SPATA13: variants seen among roughly 807,000 people sequenced by gnomAD.
SPATA13 encodes the protein spermatogenesis-associated protein 13.
A neutral mutation model predicts 104.0 loss-of-function variants in SPATA13; 50 were observed. The observed-to-expected ratio is 0.48, with a 90% CI of 0.38 to 0.61. The LOEUF (loss-of-function observed/expected upper bound fraction) is 0.61. Ranked by LOEUF, SPATA13 falls within the 20% of genes least tolerant of loss-of-function variation. The pLI, the probability that SPATA13 is intolerant of heterozygous loss-of-function variation, is 0.00. For missense variants in SPATA13, 1,524 were observed against 1,690.6 expected (o/e 0.90, Z 1.73); for synonymous variants, 606 against 667.5 (o/e 0.91, Z 1.42).
intron 2 of SPATA13, among the ~76,000 whole-genome samples, chr13:24,243,171 G>A (rs556306602): frequency 6.6e-6 from 1 of 152,112 alleles, no homozygotes; most frequent in Non-Finnish European, 1.5e-5. Context: ...ATATATTCAC[G>A]TCACTCATCC....
intron 2 of SPATA13, among the ~76,000 whole-genome samples, chr13:24,016,757 G>A (rs984101324): frequency 2.0e-5 from 3 of 152,238 alleles, no homozygotes; most frequent in Admixed American, 6.5e-5. Flanking sequence ...ACTCTGGGAC[G>A]TGCATTGTGC....
chr13:24,043,774 G>A lies in SPATA13; in HGVS notation c.-112+26073G>A, dbSNP rs545705978. On this transcript the variant is annotated intron_variant, in intron 3 of 14. Transcript: ENST00000424834. ...GTCACATTCTGCAGCATGTTTTCCC[G>A]ATTCTGTGCTGATTCATCACACACT... is the stretch of plus-strand genomic sequence containing the variant. Among the ~76,000 whole-genome samples the A allele has an allele frequency of 1.2e-3, 184 of 152,230 alleles. 4 individuals are homozygous for A. The highest frequency in any genetic ancestry group is 2.0e-3 in the Non-Finnish European group (139 of 68,006).
In SPATA13 at chr13:24,303,041, G is replaced by A. The variant is rs9578699; in HGVS notation, c.*268G>A. 0.36 allele frequency: 185,203 copies of A among 507,894 alleles called. 35,292 individuals are homozygous for A. The highest frequency in any genetic ancestry group is 0.56 in the East Asian group (15,332 of 27,230). The allele number at this position is 507,894 out of a possible 1,614,324, so 31.5% of individuals were successfully genotyped here. On this transcript the variant is annotated 3_prime_UTR_variant, in exon 13 of 13. Transcript: ENST00000382108. Reference sequence around the variant, plus strand: ...ATGAGATGGCCCAGATGTGGGACCCGGTACCATGCTCTAAAGCGAGTGATT... The same window carrying A: ...ATGAGATGGCCCAGATGTGGGACCCAGTACCATGCTCTAAAGCGAGTGATT...
intron 2 of SPATA13, among the ~76,000 whole-genome samples, chr13:24,002,693 A>G (rs1876034734): frequency 6.6e-6 from 1 of 152,162 alleles, no homozygotes; most frequent in African/African-American, 2.4e-5. Context: ...TCCTTGAGGA[A>G]GGAAGAGCAT....
intron 3 of SPATA13, among the ~76,000 whole-genome samples, chr13:24,117,964 A>G (rs1428930356): frequency 6.6e-6 from 1 of 152,248 alleles, no homozygotes; most frequent in East Asian, 1.9e-4. Flanking sequence ...TTTTCAAAAA[A>G]AATGGCATTA....
At chr13:24,239,846 G>GT (rs1475743679) in intron 2 of SPATA13, among the ~76,000 whole-genome samples, 1 of 151,560 alleles carries the variant, frequency 6.6e-6, no homozygotes, top group East Asian at 1.9e-4. Context: ...ATAAAATCAT[G>GT]TTTTTTCACT....
Position 24,251,857 on chromosome 13 carries a change from C to A in SPATA13, c.2159C>A (p.Ser720Tyr), listed in dbSNP as rs768481237. The change falls in exon 4 of 13, where the codon TCC becomes TAC. Residue 720 changes from serine to tyrosine, a missense_variant. Ser to Tyr is a moderately radical substitution (Grantham distance 144). Around this residue, in one of 2 missense-constraint regions of SPATA13, gnomAD observed 1,089 missense variants for 1,135.9 expected, o/e 0.96. Coordinates refer to ENST00000382108, the MANE Select transcript of SPATA13 (RefSeq NM_001166271.3). ...GGACGCCGGCGGCAGATGAGAGCATCCAACGGTGAGTCTCAGAGTCCCTTT... is the reference window on the plus strand; with the variant it reads ...GGACGCCGGCGGCAGATGAGAGCATACAACGGTGAGTCTCAGAGTCCCTTT... ...RVGRRRQMRA[S>Y]NVSSDGGTEP... 1.9e-6 allele frequency: 3 copies of A among 1,613,394 alleles called. No individual in the cohort carries two copies. The highest frequency in any genetic ancestry group is 4.5e-5 in the East Asian group (2 of 44,858).
Position 24,269,631 on chromosome 13 carries a change from C to T in SPATA13, c.2165-14504C>T, listed in dbSNP as rs138092454. 1.5e-3 allele frequency among the ~76,000 whole-genome samples: 226 copies of T among 151,484 alleles called. 2 individuals carry two copies. The highest frequency in any genetic ancestry group is 4.9e-3 in the African/African-American group (203 of 41,164). ...TCACCGAGGCTGGAGTACAGTGGTA[C>T]GATCATAGCTTACTGCAGCCTCCAC... On this transcript the variant is annotated intron_variant, in intron 4 of 12. Coordinates refer to ENST00000382108, the MANE Select transcript of SPATA13 (RefSeq NM_001166271.3).
chr13:24,185,629 G>A (rs1280078729), intron 1 of SPATA13, among the ~76,000 whole-genome samples: 3 of 151,962 alleles, frequency 2.0e-5, no homozygotes, highest in Non-Finnish European at 4.4e-5. Flanking sequence ...TGGTGTTAAC[G>A]TAATAGGCAT....
At position 24,169,958 on chromosome 13, in the gene SPATA13, C is replaced by A. The variant is rs1882902049; in HGVS notation, c.-112+9026C>A. On this transcript the variant is annotated intron_variant, in intron 1 of 12. Transcript: ENST00000382108. The stretch of plus-strand genomic sequence containing the variant: ...TCTTGGAGGAGAAAGCAAGAACTCT[C>A]CCTGCTTTTTCTCATCCTTATTTTA... Among the ~76,000 whole-genome samples, 4 of 152,208 alleles carry A rather than the reference C, an allele frequency of 2.6e-5. No individual in the cohort carries two copies. In the South Asian group the frequency reaches 6.2e-4, roughly 24 times the overall value.
In SPATA13 at chr13:24,035,644, C is replaced by T. The variant is rs372213309; in HGVS notation, c.-112+17943C>T. Among the ~76,000 whole-genome samples the T allele has an allele frequency of 4.6e-5, 7 of 151,850 alleles. No individual in the cohort carries two copies. The South Asian group carries it at 1.4e-3, about 31-fold the overall frequency. On this transcript the variant is annotated intron_variant, in intron 3 of 14. Transcript: ENST00000424834. Reference sequence around the variant, plus strand: ...AACCTGATTCACAGGAGGCGTGTCACTGAGTTGTACTTAGTTTATATAAAG... The same window carrying T: ...AACCTGATTCACAGGAGGCGTGTCATTGAGTTGTACTTAGTTTATATAAAG...
intron 1 of SPATA13, among the ~76,000 whole-genome samples, chr13:23,980,358 C>T (rs1238192394): frequency 6.6e-6 from 1 of 152,140 alleles, no homozygotes; most frequent in African/African-American, 2.4e-5. Flanking sequence ...GGAGGAGCCG[C>T]GGGGGAGGCC....
chr13:24,103,905 T>C (rs113345862), intron 3 of SPATA13, among the ~76,000 whole-genome samples: 1,809 of 152,076 alleles, frequency 0.012, 44 homozygotes, highest in African/African-American at 0.041. Flanking sequence ...TTAAAGGGAG[T>C]GTCCTCACAC....
chr13:24,178,219 G>A (rs1348537341), intron 1 of SPATA13, among the ~76,000 whole-genome samples: 1 of 152,116 alleles, frequency 6.6e-6, no homozygotes, highest in Non-Finnish European at 1.5e-5. Context: ...AGGCGCAAAC[G>A]TTCCAATAAT....
In SPATA13 at chr13:24,305,512, G is replaced by C. The variant is rs180940563; in HGVS notation, c.*2739G>C. ...TGCCTGAGTTCTTCAAGAATGGAAG[G>C]CTCAAGTATTCTCATCTTCCATTTG... is the stretch of plus-strand genomic sequence containing the variant. On this transcript the variant is annotated 3_prime_UTR_variant, in exon 13 of 13. Coordinates refer to ENST00000382108, the MANE Select transcript of SPATA13 (RefSeq NM_001166271.3). 6.6e-6 allele frequency: 1 copy of C among 152,192 alleles called. No homozygotes were observed. The highest frequency in any genetic ancestry group is 1.5e-5 in the Non-Finnish European group (1 of 68,040). 9.4% of individuals were successfully genotyped at this position (152,192 alleles called of 1,614,324 possible). A position where few individuals can be genotyped will look rare whatever the true frequency, so the allele number is the denominator to read the frequency against.
intron 1 of SPATA13, among the ~76,000 whole-genome samples, chr13:24,175,231 GTT>G (rs56884585): frequency 6.6e-6 from 1 of 151,436 alleles, no homozygotes; most frequent in Non-Finnish European, 1.5e-5. Context: ...TTGTTTTTTT[GTT>G]TTTTTTAATT....
rs560319939 is a variant in SPATA13 at position 24,264,002 on chromosome 13, C to T, written c.2164+12140C>T. Among the ~76,000 whole-genome samples the T allele has an allele frequency of 1.9e-3, 294 of 152,350 alleles. 2 individuals are homozygous for T. The highest frequency in any genetic ancestry group is 6.7e-3 in the African/African-American group (279 of 41,586). On this transcript the variant is annotated intron_variant, in intron 4 of 12. Coordinates refer to ENST00000382108, the MANE Select transcript of SPATA13 (RefSeq NM_001166271.3). ...CCTTTAGTGCCCAAAACCATATTGT[C>T]TGCAAGTCTTGGAGATTGTATTAGC...
At chr13:23,986,764 TC>T (rs1875164255) in intron 2 of SPATA13, among the ~76,000 whole-genome samples, 1 of 152,168 alleles carries the variant, frequency 6.6e-6, no homozygotes, top group African/African-American at 2.4e-5. Context: ...AGAAAGAGCA[TC>T]GGGGCCATAC....
At chr13:24,137,155 G>A (rs923674968) in intron 3 of SPATA13, among the ~76,000 whole-genome samples, 17 of 152,140 alleles carry the variant, frequency 1.1e-4, no homozygotes, top group Non-Finnish European at 1.9e-4. Context: ...TGAGAGATAA[G>A]GTCACATGCA....
Sources: allele counts gnomAD v4.1 joint callset (sites outside exome capture counted in the v4.1 genomes callset), GRCh38; gene constraint gnomAD v4.1.1; regional missense constraint gnomAD v4.1.1; transcripts MANE v1.5; gene names NCBI Gene and HGNC (gene_info 2026-07-23, HGNC 2026-07-21).